The following ADCY4 variants were observed in gnomAD, a reference collection of about 807,000 sequenced individuals.
The protein encoded by ADCY4 is adenylate cyclase type 4.
ADCY4 carries 111 observed loss-of-function variants against 125.5 expected under a neutral mutation model. The ratio of observed to expected loss-of-function variants is 0.88; its 90% CI spans 0.76 to 1.04. The LOEUF (loss-of-function observed/expected upper bound fraction) is 1.04, where lower values mean the gene tolerates loss of function less well. Ranked by LOEUF, ADCY4 falls within the 50% of genes least tolerant of loss-of-function variation. The pLI is 0.00. For synonymous variants in ADCY4, 576 were observed against 586.9 expected (o/e 0.98, Z 0.27); for missense variants, 1,256 against 1,382.9 (o/e 0.91, Z 1.46).
At chr14:24,321,881 A>T (rs2041856989) in intron 20 of ADCY4, 185 bp downstream of exon 20, 1 of 1,338,940 alleles carries the variant, frequency 7.5e-7, no homozygotes, top group Admixed American at 3.1e-5. Context: ...AAGAATTTGA[A>T]ATGCAGTTTT....
chr14:24,323,029 G>A lies in ADCY4; in HGVS notation c.2217C>T (p.Ser739=), dbSNP rs1173584852. Residue 739 remains serine (S), a synonymous_variant, in exon 18 of 25, where the codon AGC becomes AGT. Coordinates refer to ENST00000418030, the MANE Select transcript of ADCY4 (RefSeq NM_001198568.2). The part of the protein sequence containing the change: ...FLSCSLFLHM[S]FELKLLLLLL... ...GGAGCAGCAGCAGCTTCAGCTCGAA[G>A]CTCATGTGCAGAAAGAGGGAGCAGG... The A allele has an allele frequency of 6.2e-7, 1 of 1,614,160 alleles. No individual in the cohort carries two copies. The highest frequency in any genetic ancestry group is 8.5e-7 in the Non-Finnish European group (1 of 1,180,020).
At chr14:24,323,772 A>G (rs765435987) in intron 16 of ADCY4, 4 of 553,816 alleles carry the variant, frequency 7.2e-6, no homozygotes, top group Non-Finnish European at 9.2e-6. Flanking sequence ...CAGGAATAGA[A>G]TTCTAGGAAT....
In ADCY4 at chr14:24,324,216, G is replaced by C; in HGVS notation, c.1909-17C>G. On this transcript the variant is annotated splice_polypyrimidine_tract_variant and intron_variant, in intron 15 of 24. Transcript: ENST00000418030. ...GACACACCTCTGTGGAGGGAGCATG[G>C]GCATCTTAGCCACGGGGCTGGGGCA... The C allele has an allele frequency of 6.2e-7, 1 of 1,614,136 alleles. No individual in the cohort carries two copies. Among genetic ancestry groups the C allele is most frequent in the Non-Finnish European group, 8.5e-7 (1 of 1,179,974 alleles).
At chr14:24,330,316 G>T in intron 6 of ADCY4, 21 bp from the exon 7 acceptor site, 3 of 1,613,616 alleles carry the variant, frequency 1.9e-6, no homozygotes, top group South Asian at 1.1e-5. Context: ...GTATGTGGGT[G>T]TGCAGAGGAA....
At chr14:24,323,993 G>T (rs2041899247) in intron 16 of ADCY4, 69 bp downstream of exon 16, 6 of 1,557,994 alleles carry the variant, frequency 3.9e-6, no homozygotes, top group South Asian at 1.2e-5. Flanking sequence ...AAATCCAGGG[G>T]TTCCCTTTCA....
At chr14:24,321,793 C>G in intron 20 of ADCY4, 1 of 1,155,202 alleles carries the variant, frequency 8.7e-7, no homozygotes, top group Non-Finnish European at 1.1e-6. Context: ...GACCCCTGCT[C>G]CAGACAGCTC....
chr14:24,331,825 T>C lies in ADCY4; in HGVS notation c.632A>G (p.His211Arg). ...CTCGGTGTCCAGCCGCCGGCGTGAG[T>C]GCAGGGAGCTGAGTGCCTCCCGGAA... Reference protein sequence around the residue: ...ATFREALSSLHSRRRLDTEKK... With the variant: ...ATFREALSSLRSRRRLDTEKK... Residue 211 changes from histidine (H) to arginine (R), a missense_variant, in exon 4 of 25, where the codon CAC (histidine) becomes CGC (arginine). Transcript: ENST00000418030. 1 of 1,600,832 alleles carries C rather than the reference T, an allele frequency of 6.2e-7. No homozygotes were observed. Among genetic ancestry groups the C allele is most frequent in the Non-Finnish European group, 8.5e-7 (1 of 1,170,610 alleles).
chr14:24,324,372 T>C lies in ADCY4; in HGVS notation c.1843A>G (p.Thr615Ala). 1.4e-5 allele frequency: 22 copies of C among 1,614,010 alleles called. No homozygotes were observed. Among genetic ancestry groups the C allele is most frequent in the Non-Finnish European group, 1.9e-5 (22 of 1,179,948 alleles). Residue 615 changes from threonine to alanine, a missense_variant, in exon 15 of 25, where the codon ACG (threonine) becomes GCG (alanine). Thr to Ala is a moderately conservative substitution (Grantham distance 58). Coordinates refer to ENST00000418030, the MANE Select transcript of ADCY4 (RefSeq NM_001198568.2). ...AAGAGGAGGAAGGTGATGCTATACGTGATGGCCAGAGCTGGGGGCCTGAAG... is the reference window on the plus strand; with the variant it reads ...AAGAGGAGGAAGGTGATGCTATACGCGATGGCCAGAGCTGGGGGCCTGAAG... ...VTNRPPALAI[T>A]YSITFLLFLL...
At position 24,319,431 on chromosome 14, in the gene ADCY4, G is replaced by A; in HGVS notation, c.2739C>T (p.Leu913=). 1 of 1,614,198 alleles carries A rather than the reference G, an allele frequency of 6.2e-7. No homozygotes were observed. Among genetic ancestry groups the A allele is most frequent in the Non-Finnish European group, 8.5e-7 (1 of 1,180,012 alleles). ...CCACCCCACTGAACTTGGGCTTGGA[G>A]AGCAGCTGTATATAGAGAAGAGTCC... ...NEIIADFDEL[L]SKPKFSGVEK... The change falls in exon 22 of 25, where the codon CTC becomes CTT. Residue 913 remains leucine, a synonymous_variant. Coordinates refer to ENST00000418030, the MANE Select transcript of ADCY4 (RefSeq NM_001198568.2). This position sits in a 1 kb window ranked among gnomAD's most constrained non-coding sequence, Gnocchi z 4.5.
At chr14:24,331,748 C>T in intron 4 of ADCY4, 40 bp downstream of exon 4, 1 of 1,507,222 alleles carries the variant, frequency 6.6e-7, no homozygotes, top group South Asian at 1.3e-5. Context: ...AGCAACTCCT[C>T]CCTCGGAGCG....
At position 24,334,714 on chromosome 14, in the gene ADCY4, C is replaced by G; in HGVS notation, c.-62G>C. On this transcript the variant is annotated 5_prime_UTR_variant, in exon 1 of 25. Coordinates refer to ENST00000418030, the MANE Select transcript of ADCY4 (RefSeq NM_001198568.2). ...CCGGGCGCCGGGTTACCTCCTTCGGCCCGGCGGGCCCCACCTGAGCTTTTC... is the reference window on the plus strand; with the variant it reads ...CCGGGCGCCGGGTTACCTCCTTCGGGCCGGCGGGCCCCACCTGAGCTTTTC... The G allele has an allele frequency of 7.4e-7, 1 of 1,344,722 alleles. No individual in the cohort carries two copies. The highest frequency in any genetic ancestry group is 9.9e-7 in the Non-Finnish European group (1 of 1,013,196). 83.3% of individuals were successfully genotyped at this position (1,344,722 alleles called of 1,614,324 possible).
At chr14:24,321,321 T>C (rs1226452225) in intron 20 of ADCY4, among the ~76,000 whole-genome samples, 2 of 151,846 alleles carry the variant, frequency 1.3e-5, no homozygotes, top group African/African-American at 2.4e-5. Context: ...CCTGGGAGGC[T>C]GAGGCAGGAG....
intron 3 of ADCY4, 188 bp from the exon 4 acceptor site, chr14:24,332,125 G>C: frequency 1.5e-6 from 1 of 648,594 alleles, no homozygotes; most frequent in Non-Finnish European, 2.3e-6. Flanking sequence ...CCCTCCTCCA[G>C]ACTCTCGGCT....
chr14:24,327,706 C>G (rs531410714), intron 10 of ADCY4, among the ~76,000 whole-genome samples: 1 of 152,118 alleles, frequency 6.6e-6, no homozygotes, highest in Middle Eastern at 3.2e-3. Context: ...GCCCTAGAAT[C>G]AGAGACAGGA....
rs145181910 is a variant in ADCY4, at chr14:24,326,546, C to A, written c.1525-204G>T. 136 of 614,090 alleles carry A rather than the reference C, an allele frequency of 2.2e-4. No individual in the cohort carries two copies. In the East Asian group the frequency reaches 3.7e-3, roughly 17 times the overall value. 38.0% of individuals were successfully genotyped at this position (614,090 alleles called of 1,614,324 possible). A position where few individuals can be genotyped will look rare whatever the true frequency, so the allele number is the denominator to read the frequency against. ...GTTTGAATCTCCTTAAAGTTTCCCC[C>A]TGACTCTCTAGACTCCCAGGATCTT... On this transcript the variant is annotated intron_variant, in intron 10 of 24. Transcript: ENST00000418030.
chr14:24,334,779 T>A lies in ADCY4; in HGVS notation c.-127A>T. On this transcript the variant is annotated 5_prime_UTR_variant, in exon 1 of 25. Transcript: ENST00000418030. ...CCGCTACCACCCCGCGCCCCCAACC[T>A]CGTGGCAATCCCGTCTCCTTTTTCA... is the stretch of plus-strand genomic sequence containing the variant. The A allele has an allele frequency of 1.3e-6, 1 of 744,830 alleles. No homozygotes were observed. The highest frequency in any genetic ancestry group is 2.1e-6 in the Non-Finnish European group (1 of 479,782). 46.1% of individuals were successfully genotyped at this position (744,830 alleles called of 1,614,324 possible).
intron 16 of ADCY4, 117 bp from the exon 17 acceptor site, chr14:24,323,571 A>G: frequency 6.8e-7 from 1 of 1,480,198 alleles, no homozygotes; most frequent in Non-Finnish European, 9.0e-7. Context: ...AAAGGGGTGG[A>G]TCCTGCTATT....
chr14:24,323,246 TA>T, intron 17 of ADCY4, 97 bp downstream of exon 17: 1 of 1,409,930 alleles, frequency 7.1e-7, no homozygotes, highest in Admixed American at 2.0e-5. Flanking sequence ...ATGTCTGTTC[TA>T]ATCCACAGAA....
chr14:24,324,852 T>C (rs923992335), intron 14 of ADCY4, among the ~76,000 whole-genome samples: 11 of 151,922 alleles, frequency 7.2e-5, no homozygotes, highest in Non-Finnish European at 1.2e-4. Context: ...TACAGGCGCC[T>C]GCCATCTCAC....
Sources: gnomAD v4.1 joint callset for allele counts (sites outside exome capture counted in the v4.1 genomes callset) on GRCh38, gnomAD v4.1.1 for gene constraint, Gnocchi (gnomAD v3.1) non-coding constraint, MANE v1.5 for transcripts, NCBI Gene and HGNC (gene_info 2026-07-23, HGNC 2026-07-21) for gene names.